The following SHCBP1L variants were observed in gnomAD, a reference collection of about 807,000 sequenced individuals.
SHCBP1L encodes SHC binding and spindle associated 1 like.
A neutral mutation model predicts 62.5 loss-of-function variants in SHCBP1L; 67 were observed. The ratio of observed to expected loss-of-function variants is 1.07; its 90% confidence interval spans 0.88 to 1.31. SHCBP1L has a LOEUF of 1.31. Ranked by LOEUF, SHCBP1L falls within the 40% of genes most tolerant of loss-of-function variation. The pLI is 0.00. For synonymous variants in SHCBP1L, 284 were observed against 289.4 expected (o/e 0.98, Z 0.19); for missense variants, 823 against 809.8 (o/e 1.02, Z -0.20).
chr1:182,904,576 T>TGTGCGC (rs1491153422), intron 7 of SHCBP1L, 146 bp from the exon 8 acceptor site: 3 of 701,894 alleles, frequency 4.3e-6, no homozygotes, highest in African/African-American at 1.9e-5. Flanking sequence ...TGTGTGTGTG[T>TGTGCGC]GCGCATGCGC....
intron 6 of SHCBP1L, among the ~76,000 whole-genome samples, chr1:182,911,991 C>T (rs1220249988): frequency 1.3e-5 from 2 of 152,208 alleles, no homozygotes. Context: ...TCATAACTTC[C>T]ACAGTCCTTA....
chr1:182,924,784 GAAA>G lies in SHCBP1L; in HGVS notation c.1182+4860_1182+4862del, dbSNP rs1557996858. Among the ~76,000 whole-genome samples, 27 of 96,430 alleles carry G rather than the reference GAAA, an allele frequency of 2.8e-4. 3 individuals are homozygous for G. The highest frequency in any genetic ancestry group is 2.2e-3 in the East Asian group (7 of 3,114). The allele number at this position is 96,430 out of a possible 152,430, so 63.3% of individuals were successfully genotyped here. On this transcript the variant is annotated intron_variant, in intron 6 of 9. Coordinates refer to ENST00000367547, the MANE Select transcript of SHCBP1L (RefSeq NM_030933.4). Reference sequence around the variant, plus strand: ...AGAAAGAAAGAAAGAAAGAAAGAAAGAAAGAGAGAAAGAAAGGAAGGAAGGAAG... The same window carrying G: ...AGAAAGAAAGAAAGAAAGAAAGAAAGGAGAGAAAGAAAGGAAGGAAGGAAG...
rs978874738 is a variant in SHCBP1L, at chr1:182,939,476, C to A, written c.848G>T (p.Arg283Ile). ...TATAAACTATACTTACAAATTAATT[C>A]TTTCTTCAATAAGTGCAGTATAATT... ...CENYTALIEERINLWCDIQDG... is the reference protein window; with the variant it reads ...CENYTALIEEIINLWCDIQDG... The change falls in exon 4 of 10, where the codon AGA (arginine) becomes ATA (isoleucine). Residue 283 changes from arginine (R) to isoleucine (I), a missense_variant. By Grantham distance (97) the Arg-to-Ile change is moderately conservative. Coordinates refer to ENST00000367547, the MANE Select transcript of SHCBP1L (RefSeq NM_030933.4). 7.5e-6 allele frequency: 12 copies of A among 1,604,478 alleles called. No individual in the cohort carries two copies. The highest frequency in any genetic ancestry group is 1.0e-5 in the Non-Finnish European group (12 of 1,176,030).
At position 182,924,675 on chromosome 1, in the gene SHCBP1L, A is replaced by AGAAAGGAAAGGAAAGGAAAG. The variant is rs140771329; in HGVS notation, c.1182+4952_1182+4971dup. 2.7e-4 allele frequency among the ~76,000 whole-genome samples: 25 copies of AGAAAGGAAAGGAAAGGAAAG among 93,958 alleles called. 1 individual carries two copies. The highest frequency in any genetic ancestry group is 1.2e-3 in the African/African-American group (25 of 20,434). 61.6% of individuals were successfully genotyped at this position (93,958 alleles called of 152,430 possible). A position where few individuals can be genotyped will look rare whatever the true frequency, so the allele number is the denominator to read the frequency against. Reference sequence around the variant, plus strand: ...AGTGCTATTCCGATCCAACTACAAAAGAAAGGAAAGGAAAGGAAAGGAAAG... The same window carrying AGAAAGGAAAGGAAAGGAAAG: ...AGTGCTATTCCGATCCAACTACAAAAGAAAGGAAAGGAAAGGAAAGGAAAGGAAAGGAAAGGAAAGGAAAG... On this transcript the variant is annotated intron_variant, in intron 6 of 9. Coordinates refer to ENST00000367547, the MANE Select transcript of SHCBP1L (RefSeq NM_030933.4).
intron 8 of SHCBP1L, 26 bp from the exon 9 acceptor site, chr1:182,903,187 A>G: frequency 6.7e-7 from 1 of 1,497,184 alleles, no homozygotes; most frequent in African/African-American, 1.4e-5. Flanking sequence ...AAATAAAACT[A>G]TCTACAAAAT....
At chr1:182,952,191 AATATATATAT>A (rs869051143) in intron 1 of SHCBP1L, among the ~76,000 whole-genome samples, 1,048 of 24,126 alleles carry the variant, frequency 0.043, 19 homozygotes, top group Middle Eastern at 0.083. Flanking sequence ...AAAAAAAAAA[AATATATATAT>A]ATATATATAT....
chr1:182,927,110 A>C (rs1405182287), intron 6 of SHCBP1L, among the ~76,000 whole-genome samples: 3 of 84,166 alleles, frequency 3.6e-5, no homozygotes, highest in Non-Finnish European at 2.3e-5. Context: ...ATATATATAT[A>C]TATACTCTCT....
chr1:182,931,234 GA>G (rs917301724), intron 5 of SHCBP1L, among the ~76,000 whole-genome samples: 1 of 151,322 alleles, frequency 6.6e-6, no homozygotes, highest in African/African-American at 2.4e-5. Context: ...GAGAAACAGG[GA>G]ACCATTCATA....
chr1:182,905,699 C>T, intron 6 of SHCBP1L, 50 bp from the exon 7 acceptor site: 1 of 1,554,394 alleles, frequency 6.4e-7, no homozygotes, highest in Non-Finnish European at 8.8e-7. Context: ...TAAACTGAAA[C>T]ATGTCATTTT....
intron 6 of SHCBP1L, among the ~76,000 whole-genome samples, chr1:182,924,236 G>A (rs1319868079): frequency 1.3e-5 from 2 of 150,596 alleles, no homozygotes; most frequent in South Asian, 2.1e-4. Context: ...GCTGTTGAAA[G>A]AAATAAGAGA....
At chr1:182,907,338 C>A (rs1650044625) in intron 6 of SHCBP1L, among the ~76,000 whole-genome samples, 1 of 148,656 alleles carries the variant, frequency 6.7e-6, no homozygotes, top group African/African-American at 2.5e-5. Flanking sequence ...GAGGTGGAGG[C>A]AGGAGAATCG....
intron 6 of SHCBP1L, among the ~76,000 whole-genome samples, chr1:182,908,175 G>C (rs1374039279): frequency 6.6e-6 from 1 of 151,920 alleles, no homozygotes; most frequent in African/African-American, 2.4e-5. Context: ...TTAGATATGG[G>C]GGTGCATGTG....
intron 6 of SHCBP1L, among the ~76,000 whole-genome samples, chr1:182,924,380 C>G (rs1251344235): frequency 1.3e-5 from 2 of 150,778 alleles, no homozygotes; most frequent in Non-Finnish European, 2.9e-5. Flanking sequence ...TCACTGCAAG[C>G]TCTGCCTCCT....
chr1:182,922,496 G>C (rs1274750610), intron 6 of SHCBP1L, among the ~76,000 whole-genome samples: 2 of 151,538 alleles, frequency 1.3e-5, no homozygotes, highest in Non-Finnish European at 1.5e-5. Flanking sequence ...GGAGGTTGCA[G>C]TGAGCCAAGA....
rs1310632536 is a variant in SHCBP1L, at chr1:182,927,123, C to T, written c.1182+2524G>A. 3.9e-5 allele frequency among the ~76,000 whole-genome samples: 5 copies of T among 127,580 alleles called. 1 individual carries two copies. The highest frequency in any genetic ancestry group is 1.7e-4 in the Admixed American group (2 of 11,998). 83.7% of individuals were successfully genotyped at this position (127,580 alleles called of 152,430 possible). ...ATATATATATATATATACTCTCTCTCTCTCCTTTTAAAGCATTCTGCAAGT... is the reference window on the plus strand; with the variant it reads ...ATATATATATATATATACTCTCTCTTTCTCCTTTTAAAGCATTCTGCAAGT... On this transcript the variant is annotated intron_variant, in intron 6 of 9. Coordinates refer to ENST00000367547, the MANE Select transcript of SHCBP1L (RefSeq NM_030933.4).
At chr1:182,936,265 A>G (rs1651168319) in intron 5 of SHCBP1L, among the ~76,000 whole-genome samples, 1 of 149,786 alleles carries the variant, frequency 6.7e-6, no homozygotes, top group African/African-American at 2.5e-5. Context: ...CCTCCTGAGT[A>G]GCTGGGATTA....
intron 2 of SHCBP1L, among the ~76,000 whole-genome samples, chr1:182,944,719 T>A (rs990722763): frequency 6.6e-6 from 1 of 152,104 alleles, no homozygotes; most frequent in Non-Finnish European, 1.5e-5. Flanking sequence ...AGATAAGAAT[T>A]TAGTTATCTC....
intron 7 of SHCBP1L, 43 bp downstream of exon 7, chr1:182,905,453 T>C (rs1219495280): frequency 6.3e-7 from 1 of 1,588,134 alleles, no homozygotes; most frequent in Non-Finnish European, 8.6e-7. Flanking sequence ...ATTTGTCCAG[T>C]ATACATTGCT....
chr1:182,932,471 A>G (rs1338994180), intron 5 of SHCBP1L, among the ~76,000 whole-genome samples: 1 of 151,148 alleles, frequency 6.6e-6, no homozygotes, highest in Non-Finnish European at 1.5e-5. Flanking sequence ...GAATTTTATT[A>G]TTTATTTATT....
Sources: gnomAD v4.1 joint callset for allele counts (sites outside exome capture counted in the v4.1 genomes callset) on GRCh38, gnomAD v4.1.1 for gene constraint, MANE v1.5 for transcripts, NCBI Gene and HGNC (gene_info 2026-07-23, HGNC 2026-07-21) for gene names.